PCDHGA4: variants seen among roughly 807,000 people sequenced by gnomAD.
PCDHGA4 encodes protocadherin gamma subfamily A, 4.
PCDHGA4 carries 38 observed loss-of-function variants against 54.6 expected under a neutral mutation model. The ratio of observed to expected loss-of-function variants is 0.70; its 90% CI spans 0.54 to 0.91. The LOEUF (loss-of-function observed/expected upper bound fraction) is 0.91, where lower values mean the gene tolerates loss of function less well. PCDHGA4 is among the 40% of genes least tolerant of loss of function. PCDHGA4 has a pLI of 0.00. For synonymous variants in PCDHGA4, 511 were observed against 512.9 expected (o/e 1.00, Z 0.05); for missense variants, 1,298 against 1,220.9 (o/e 1.06, Z -0.94).
chr5:141,415,961 C>T, intron 1 of PCDHGA4: 1 of 438,836 alleles, frequency 2.3e-6, no homozygotes, highest in Non-Finnish European at 3.6e-6. Context: ...TATTGAAACT[C>T]CAGCCCCTTA....
intron 2 of PCDHGA4, among the ~76,000 whole-genome samples, chr5:141,501,536 G>A (rs570102957): frequency 5.9e-5 from 9 of 152,054 alleles, no homozygotes; most frequent in African/African-American, 2.2e-4. Context: ...GTACGTTGTT[G>A]TGCATAAGAT....
At chr5:141,403,083 T>A (rs775664314) in intron 1 of PCDHGA4, 2 of 1,613,932 alleles carry the variant, frequency 1.2e-6, no homozygotes, top group East Asian at 4.5e-5. Flanking sequence ...AAGGGCTATA[T>A]TGTGGGCAAC....
chr5:141,431,397 C>A lies in PCDHGA4; in HGVS notation c.2515-63410C>A. ...AAGGCTGCTCACCACCTGGTCCTTA[C>A]GGCCTCCGACGGGGGCGACCCGGTG... On this transcript the variant is annotated intron_variant, in intron 1 of 3. Coordinates refer to ENST00000571252, the MANE Select transcript of PCDHGA4 (RefSeq NM_018917.4). The surrounding 1 kb of genome is among the most constrained non-coding windows in gnomAD (Gnocchi z 4.8). 3.1e-6 allele frequency: 5 copies of A among 1,613,782 alleles called. No individual in the cohort carries two copies. Among genetic ancestry groups the A allele is most frequent in the Non-Finnish European group, 4.2e-6 (5 of 1,180,034 alleles).
Position 141,364,935 on chromosome 5 carries a change from G to T in PCDHGA4, c.2514+7314G>T, listed in dbSNP as rs1240232107. ...CTGGTGTTGGAACAGCCCCTAGACCGCGAGAAAGAGACTGTTCACGACCTC... is the reference window on the plus strand; with the variant it reads ...CTGGTGTTGGAACAGCCCCTAGACCTCGAGAAAGAGACTGTTCACGACCTC... On this transcript the variant is annotated intron_variant, in intron 1 of 3. Coordinates refer to ENST00000571252, the MANE Select transcript of PCDHGA4 (RefSeq NM_018917.4). The T allele has an allele frequency of 3.1e-6, 5 of 1,613,906 alleles. No individual in the cohort carries two copies. In the Admixed American group the frequency reaches 8.3e-5, roughly 27 times the overall value.
intron 1 of PCDHGA4, chr5:141,388,966 G>A: frequency 1.2e-6 from 2 of 1,614,014 alleles, no homozygotes; most frequent in Non-Finnish European, 1.7e-6. Flanking sequence ...GCCGAGCTGG[G>A]AACACATATT....
Position 141,431,585 on chromosome 5 carries a change from G to A in PCDHGA4, c.2515-63222G>A. 6.2e-7 allele frequency: 1 copy of A among 1,614,204 alleles called. No individual in the cohort carries two copies. The highest frequency in any genetic ancestry group is 1.6e-4 in the Middle Eastern group (1 of 6,062). On this transcript the variant is annotated intron_variant, in intron 1 of 3. Transcript: ENST00000571252. This position sits in a 1 kb window ranked among gnomAD's most constrained non-coding sequence, Gnocchi z 4.8. ...CGACCCTGACGAAGGAGTCAATGCG[G>A]AAGTGAGGTATTCCTTCCGGTATGT...
chr5:141,489,339 C>T lies in PCDHGA4; in HGVS notation c.2515-5468C>T. 6.2e-7 allele frequency: 1 copy of T among 1,608,828 alleles called. No individual in the cohort carries two copies. On this transcript the variant is annotated intron_variant, in intron 1 of 3. Transcript: ENST00000571252. The surrounding 1 kb of genome is among the most constrained non-coding windows in gnomAD (Gnocchi z 4.5). ...GCTGGGTGTCTGGGCAGCTTCGTTA[C>T]TCAGTGGTGGAGGAGTCTGAGCCGG...
chr5:141,497,540 C>CA (rs1491509812), intron 2 of PCDHGA4, among the ~76,000 whole-genome samples: 7 of 134,922 alleles, frequency 5.2e-5, no homozygotes, highest in Admixed American at 1.5e-4. Flanking sequence ...TGCAACAAAC[C>CA]TTTTTTTTTT....
chr5:141,385,657 C>T, intron 1 of PCDHGA4: 1 of 611,856 alleles, frequency 1.6e-6, no homozygotes, highest in Admixed American at 4.9e-5. Context: ...ACAAGGTTAG[C>T]AGGAATAAAA....
At chr5:141,393,399 C>A in intron 1 of PCDHGA4, 2 of 1,614,028 alleles carry the variant, frequency 1.2e-6, no homozygotes, top group Non-Finnish European at 1.7e-6. Context: ...AGAGCTGGTG[C>A]TGGAGCGCGC....
chr5:141,360,414 A>G, intron 1 of PCDHGA4: 1 of 1,614,020 alleles, frequency 6.2e-7, no homozygotes, highest in Non-Finnish European at 8.5e-7. Flanking sequence ...TAGACCGAGA[A>G]CAGATATGCG....
intron 1 of PCDHGA4, chr5:141,421,895 GA>G: frequency 6.2e-7 from 1 of 1,613,730 alleles, no homozygotes; most frequent in African/African-American, 1.3e-5. Flanking sequence ...GATCCCATCC[GA>G]AAGGGCGCAG....
At chr5:141,370,420 G>T (rs1766894267) in intron 1 of PCDHGA4, 2 of 1,580,404 alleles carry the variant, frequency 1.3e-6, no homozygotes, top group Non-Finnish European at 1.7e-6. Flanking sequence ...GGATGGAGGG[G>T]CCCAGCAGGG....
intron 1 of PCDHGA4, chr5:141,366,538 C>T (rs1369448812): frequency 2.5e-6 from 4 of 1,614,268 alleles, no homozygotes; most frequent in Admixed American, 1.7e-5. Flanking sequence ...CGGGTGTGCC[C>T]GCCTCGCACT....
chr5:141,412,592 C>T (rs1472116158), intron 1 of PCDHGA4: 1 of 152,048 alleles, frequency 6.6e-6, no homozygotes, highest in African/African-American at 2.4e-5. Context: ...TGAATGTATA[C>T]TAAATAAAAT....
At chr5:141,426,639 AATGTGATGATAGAAGATATAAATG>A (rs1418104928) in intron 1 of PCDHGA4, 1 of 407,642 alleles carries the variant, frequency 2.5e-6, no homozygotes, top group Non-Finnish European at 5.0e-6. Context: ...TTTTCACATA[AATGTGATGATAGAAGATATAAATG>A]ATAACCCACC....
chr5:141,436,384 C>A lies in PCDHGA4; in HGVS notation c.2515-58423C>A, dbSNP rs1048094484. 2.6e-5 allele frequency among the ~76,000 whole-genome samples: 4 copies of A among 152,222 alleles called. 1 individual carries two copies. Among genetic ancestry groups the A allele is most frequent in the Non-Finnish European group, 4.4e-5 (3 of 67,978 alleles). On this transcript the variant is annotated intron_variant, in intron 1 of 3. Coordinates refer to ENST00000571252, the MANE Select transcript of PCDHGA4 (RefSeq NM_018917.4). The stretch of plus-strand genomic sequence containing the variant: ...ATGTTTCCAGTTTAAGCTGAATAGG[C>A]TTTATTAAATAGTTGTTGAATGAAT...
At chr5:141,364,210 C>T in intron 1 of PCDHGA4, 1 of 1,234,376 alleles carries the variant, frequency 8.1e-7, no homozygotes, top group East Asian at 2.6e-5. Flanking sequence ...AGACAAGCTC[C>T]TACGAAAAGC....
intron 1 of PCDHGA4, chr5:141,374,002 C>A (rs1770015960): frequency 1.5e-6 from 2 of 1,320,574 alleles, no homozygotes; most frequent in South Asian, 4.1e-5. Flanking sequence ...AGGACCTTCA[C>A]CGCTATTTCT....
Sources: allele counts gnomAD v4.1 joint callset (sites outside exome capture counted in the v4.1 genomes callset), GRCh38; gene constraint gnomAD v4.1.1; non-coding constraint Gnocchi (gnomAD v3.1); transcripts MANE v1.5; gene names NCBI Gene and HGNC (gene_info 2026-07-23, HGNC 2026-07-21).